ADGRB3: variants seen among roughly 807,000 people sequenced by gnomAD.
The protein encoded by ADGRB3 is brain-specific angiogenesis inhibitor 3.
Under a neutral mutation model 193.4 loss-of-function variants are expected in ADGRB3, and 37 were observed. The observed-to-expected ratio is 0.19, with a 90% CI of 0.15 to 0.25. ADGRB3 has a LOEUF of 0.25. Among genes scored for constraint, ADGRB3 ranks in the 10% least tolerant of loss-of-function variants. The pLI, the probability that ADGRB3 is intolerant of heterozygous loss-of-function variation, is 1.00. For synonymous variants in ADGRB3, 690 were observed against 644.2 expected, an observed-to-expected ratio of 1.07 and a Z score of -1.08; for missense variants, 1,637 against 1,852.9, an observed-to-expected ratio of 0.88 and a Z score of 2.14.
At chr6:68,879,299 C>A (rs974198707) in intron 3 of ADGRB3, among the ~76,000 whole-genome samples, 7 of 146,562 alleles carry the variant, frequency 4.8e-5, no homozygotes, top group African/African-American at 1.5e-4. Context: ...TCACTGCAAG[C>A]TCCGCCTCCC....
chr6:68,829,091 CTTTTTTTTTTTTTT>C (rs70987436), intron 3 of ADGRB3, among the ~76,000 whole-genome samples: 1 of 94,656 alleles, frequency 1.1e-5, no homozygotes, highest in Admixed American at 1.3e-4. Context: ...GTTTAAGTAA[CTTTTTTTTTTTTTT>C]TTTTTTTTTT....
chr6:68,808,862 G>T (rs1767458213), intron 3 of ADGRB3, among the ~76,000 whole-genome samples: 1 of 152,184 alleles, frequency 6.6e-6, no homozygotes, highest in Admixed American at 6.5e-5. Context: ...AAGACCACCT[G>T]TAAAAGAGTA....
intron 3 of ADGRB3, among the ~76,000 whole-genome samples, chr6:68,863,629 T>G (rs942905746): frequency 3.9e-5 from 6 of 152,110 alleles, no homozygotes; most frequent in Non-Finnish European, 5.9e-5. Flanking sequence ...AAAAGGCATT[T>G]ATTGATGAAT....
At chr6:69,093,030 C>T (rs573523750) in intron 17 of ADGRB3, among the ~76,000 whole-genome samples, 28 of 150,356 alleles carry the variant, frequency 1.9e-4, no homozygotes, top group Non-Finnish European at 3.5e-4. Context: ...GGGTGAACAG[C>T]CTAGGTTCAG....
chr6:69,333,152 G>T (rs932702182), intron 24 of ADGRB3, 144 bp downstream of exon 24: 93 of 917,640 alleles, frequency 1.0e-4, no homozygotes, highest in Non-Finnish European at 1.6e-5. Context: ...CTATATAAAA[G>T]TTTCCAATGT....
chr6:68,909,683 G>A lies in ADGRB3; in HGVS notation c.758-20876G>A, dbSNP rs1053098572. Among the ~76,000 whole-genome samples the A allele has an allele frequency of 1.4e-4, 21 of 152,116 alleles. No individual in the cohort carries two copies. The East Asian group carries it at 3.7e-3, about 27-fold the overall frequency. On this transcript the variant is annotated intron_variant, in intron 3 of 31. Coordinates refer to ENST00000370598, the MANE Select transcript of ADGRB3 (RefSeq NM_001704.3). ...CATTTTTAGATATCGCTTCTTTGTC[G>A]GTCTCAGAGTGGGACTTAAATGGTT...
intron 20 of ADGRB3, among the ~76,000 whole-genome samples, chr6:69,311,626 CTG>C (rs1445335282): frequency 6.6e-6 from 1 of 151,758 alleles, no homozygotes; most frequent in African/African-American, 2.4e-5. Flanking sequence ...CCATAACAGA[CTG>C]AGATTATCTC....
At chr6:69,340,839 C>A (rs779644695) in intron 26 of ADGRB3, among the ~76,000 whole-genome samples, 3 of 152,094 alleles carry the variant, frequency 2.0e-5, no homozygotes, top group Admixed American at 6.6e-5. Context: ...TGTTCAACTC[C>A]CACTAATGAA....
chr6:69,132,879 G>A (rs186032425), intron 17 of ADGRB3, among the ~76,000 whole-genome samples: 9 of 152,176 alleles, frequency 5.9e-5, no homozygotes, highest in Non-Finnish European at 1.0e-4. Context: ...TTATTAAATC[G>A]GGAATCCTTT....
intron 20 of ADGRB3, among the ~76,000 whole-genome samples, chr6:69,318,866 T>C (rs1459066574): frequency 6.7e-6 from 1 of 150,046 alleles, no homozygotes; most frequent in Non-Finnish European, 1.5e-5. Context: ...TAACTGTATA[T>C]ATATATATAT....
At chr6:69,209,330 G>A (rs913416886) in intron 17 of ADGRB3, among the ~76,000 whole-genome samples, 1 of 152,158 alleles carries the variant, frequency 6.6e-6, no homozygotes, top group Non-Finnish European at 1.5e-5. Flanking sequence ...AGTTGTGGGA[G>A]GGGCCAAATG....
At chr6:69,262,286 A>G (rs546161933) in intron 20 of ADGRB3, among the ~76,000 whole-genome samples, 25 of 152,172 alleles carry the variant, frequency 1.6e-4, no homozygotes, top group African/African-American at 6.0e-4. Flanking sequence ...TTTTCTAAAC[A>G]TATTTCAATT....
At chr6:68,885,240 A>T (rs903631666) in intron 3 of ADGRB3, among the ~76,000 whole-genome samples, 1 of 152,166 alleles carries the variant, frequency 6.6e-6, no homozygotes, top group Non-Finnish European at 1.5e-5. Context: ...GAGGGAGAAA[A>T]TTGAAAGATG....
At chr6:69,238,033 G>A (rs1582568294) in intron 19 of ADGRB3, among the ~76,000 whole-genome samples, 1 of 151,996 alleles carries the variant, frequency 6.6e-6, no homozygotes, top group Non-Finnish European at 1.5e-5. Context: ...TTACTTTTGT[G>A]TTCTTTTTGG....
intron 17 of ADGRB3, among the ~76,000 whole-genome samples, chr6:69,190,327 G>A (rs1047391346): frequency 6.6e-6 from 1 of 151,870 alleles, no homozygotes; most frequent in Non-Finnish European, 1.5e-5. Flanking sequence ...TCCCGACCCT[G>A]GGTAGGCTTA....
intron 3 of ADGRB3, among the ~76,000 whole-genome samples, chr6:68,804,440 A>ATTCTTG (rs1379371539): frequency 6.6e-6 from 1 of 152,206 alleles, no homozygotes; most frequent in Non-Finnish European, 1.5e-5. Context: ...AGTACATGCA[A>ATTCTTG]TGCATTAGAA....
intron 11 of ADGRB3, among the ~76,000 whole-genome samples, chr6:68,996,992 G>T (rs1769403210): frequency 6.6e-6 from 1 of 152,068 alleles, no homozygotes; most frequent in Admixed American, 6.6e-5. Context: ...AGATAAAAGA[G>T]AAATTAAGTA....
chr6:68,686,464 G>A lies in ADGRB3; in HGVS notation c.757+47032G>A, dbSNP rs147993903. Among the ~76,000 whole-genome samples the A allele has an allele frequency of 1.2e-3, 179 of 152,218 alleles. 1 individual carries two copies. Among genetic ancestry groups the A allele is most frequent in the African/African-American group, 4.1e-3 (172 of 41,548 alleles). On this transcript the variant is annotated intron_variant, in intron 3 of 31. Transcript: ENST00000370598. ...TTGTTTTCAGGGTCATACTGGTAAA[G>A]CCATGATTATCTCCTGTTACAATTT...
intron 20 of ADGRB3, among the ~76,000 whole-genome samples, chr6:69,268,665 A>T (rs888898361): frequency 2.0e-5 from 3 of 152,146 alleles, no homozygotes; most frequent in Non-Finnish European, 1.5e-5. Context: ...TTTGGGTAGA[A>T]ACTTCACATT....
Sources: allele counts gnomAD v4.1 joint callset (sites outside exome capture counted in the v4.1 genomes callset), GRCh38; gene constraint gnomAD v4.1.1; transcripts MANE v1.5; gene names NCBI Gene and HGNC (gene_info 2026-07-23, HGNC 2026-07-21).